The following CACNA2D3 variants were observed in gnomAD, a reference collection of about 807,000 sequenced individuals.
CACNA2D3 encodes calcium voltage-gated channel auxiliary subunit alpha2delta 3, also known as voltage-dependent calcium channel subunit alpha-2/delta-3.
In CACNA2D3, 60 loss-of-function variants were observed where a neutral mutation model predicts 160.6. That is an observed-to-expected ratio of 0.37 (90% CI 0.30 to 0.46). The LOEUF is 0.46. Among genes scored for constraint, CACNA2D3 ranks in the 20% least tolerant of loss-of-function variants. The pLI is 1.00. For missense variants in CACNA2D3, 1,205 were observed against 1,365.0 expected, an observed-to-expected ratio of 0.88 and a Z score of 1.85; for synonymous variants, 558 against 492.9, an observed-to-expected ratio of 1.13 and a Z score of -1.75.
chr3:54,955,588 T>C (rs995075849), intron 27 of CACNA2D3, among the ~76,000 whole-genome samples: 5 of 152,102 alleles, frequency 3.3e-5, no homozygotes, highest in African/African-American at 1.2e-4. Flanking sequence ...GCTTCTAAGG[T>C]CTATCAGCAT....
chr3:54,462,957 T>G (rs1365383557), intron 4 of CACNA2D3, among the ~76,000 whole-genome samples: 1 of 150,822 alleles, frequency 6.6e-6, no homozygotes, highest in Non-Finnish European at 1.5e-5. Flanking sequence ...AGGAGCTCTT[T>G]TAGGGCAGGC....
At chr3:54,344,280 CTTCTGACTTGA>C (rs1280313531) in intron 3 of CACNA2D3, among the ~76,000 whole-genome samples, 1 of 152,152 alleles carries the variant, frequency 6.6e-6, no homozygotes, top group Admixed American at 6.5e-5. Flanking sequence ...GGTGTCTGGA[CTTCTGACTTGA>C]TTATGAGTTC....
chr3:54,961,799 C>T (rs556518963), intron 27 of CACNA2D3, among the ~76,000 whole-genome samples: 1 of 152,286 alleles, frequency 6.6e-6, no homozygotes, highest in African/African-American at 2.4e-5. Flanking sequence ...AGGACATCTT[C>T]TGTTTTCTTT....
chr3:54,608,776 G>T (rs924266660), intron 9 of CACNA2D3, among the ~76,000 whole-genome samples: 2 of 152,180 alleles, frequency 1.3e-5, no homozygotes, highest in Admixed American at 6.5e-5. Flanking sequence ...TGTTTTAAAA[G>T]AATGCACAAT....
At chr3:54,149,924 T>TCTCCCTCC (rs1559863323) in intron 2 of CACNA2D3, among the ~76,000 whole-genome samples, 2 of 48,710 alleles carry the variant, frequency 4.1e-5, no homozygotes, top group Admixed American at 1.9e-4. Context: ...TCTCTCTCTC[T>TCTCCCTCC]CTCTCTCCCT....
intron 13 of CACNA2D3, among the ~76,000 whole-genome samples, chr3:54,797,081 G>A (rs1363307017): frequency 6.6e-6 from 1 of 152,176 alleles, no homozygotes; most frequent in Non-Finnish European, 1.5e-5. Flanking sequence ...AAGATGGACT[G>A]TTGTCATCAG....
chr3:54,143,870 T>C (rs1430953752), intron 2 of CACNA2D3, among the ~76,000 whole-genome samples: 1 of 152,236 alleles, frequency 6.6e-6, no homozygotes. Context: ...TTTGTGTATA[T>C]GTATATGTAC....
At chr3:54,840,586 C>G (rs1392855909) in intron 16 of CACNA2D3, among the ~76,000 whole-genome samples, 1 of 148,608 alleles carries the variant, frequency 6.7e-6, no homozygotes, top group Non-Finnish European at 1.5e-5. Flanking sequence ...AATTTTTGTC[C>G]TTTTAGTAGA....
chr3:54,796,806 G>A (rs1377489563), intron 13 of CACNA2D3, among the ~76,000 whole-genome samples: 1 of 152,110 alleles, frequency 6.6e-6, no homozygotes, highest in Admixed American at 6.5e-5. Context: ...TTATTTAATA[G>A]CTTATTACGT....
intron 5 of CACNA2D3, among the ~76,000 whole-genome samples, chr3:54,561,750 G>A (rs1702328567): frequency 6.6e-6 from 1 of 152,166 alleles, no homozygotes; most frequent in African/African-American, 2.4e-5. Flanking sequence ...CCTGGTATCT[G>A]GAGAACAACC....
rs184888312 is a variant in CACNA2D3, at chr3:54,463,238, C to T, written c.382-40254C>T. Among the ~76,000 whole-genome samples, 317 of 152,156 alleles carry T rather than the reference C, an allele frequency of 2.1e-3. 4 individuals carry two copies. Among genetic ancestry groups the T allele is most frequent in the African/African-American group, 7.3e-3 (303 of 41,508 alleles). On this transcript the variant is annotated intron_variant, in intron 4 of 37. Transcript: ENST00000474759. ...TTCCTTCATTTCAACTTTGGTGAGTCTGACAATTACGTGTCTTGGAGTTGC... is the reference window on the plus strand; with the variant it reads ...TTCCTTCATTTCAACTTTGGTGAGTTTGACAATTACGTGTCTTGGAGTTGC...
intron 9 of CACNA2D3, among the ~76,000 whole-genome samples, chr3:54,601,788 G>A (rs1703064836): frequency 6.6e-6 from 1 of 151,842 alleles, no homozygotes; most frequent in African/African-American, 2.4e-5. Flanking sequence ...TTAAATGTTT[G>A]ACTCATTTTT....
chr3:54,302,001 A>G (rs569814712), intron 2 of CACNA2D3, among the ~76,000 whole-genome samples: 2 of 152,352 alleles, frequency 1.3e-5, no homozygotes, highest in South Asian at 2.1e-4. Context: ...CTGTCAAACA[A>G]TTATACAGGA....
chr3:54,431,794 A>G (rs919714234), intron 4 of CACNA2D3, among the ~76,000 whole-genome samples: 1 of 151,934 alleles, frequency 6.6e-6, no homozygotes, highest in African/African-American at 2.4e-5. Flanking sequence ...TTTAGTAGAG[A>G]CGGGGTTTCA....
rs1699501752 is a variant in CACNA2D3 at position 54,403,130 on chromosome 3, A to G, written c.381+16356A>G. Among the ~76,000 whole-genome samples the G allele has an allele frequency of 2.0e-5, 3 of 152,148 alleles. No individual in the cohort carries two copies. The South Asian group carries it at 6.2e-4, about 32-fold the overall frequency. ...AATCCCAGCACTTTGGGAGATGGAG[A>G]TGGACAGATCACTTGAAGAGTTCGA... On this transcript the variant is annotated intron_variant, in intron 4 of 37. Transcript: ENST00000474759.
At chr3:54,723,515 G>A (rs746794188) in intron 11 of CACNA2D3, among the ~76,000 whole-genome samples, 54 of 152,234 alleles carry the variant, frequency 3.5e-4, no homozygotes, top group Non-Finnish European at 7.3e-5. Context: ...CCAGGGCCCT[G>A]GTGGGGTAGG....
At chr3:54,458,818 A>C (rs554471068) in intron 4 of CACNA2D3, among the ~76,000 whole-genome samples, 35 of 151,806 alleles carry the variant, frequency 2.3e-4, no homozygotes, top group African/African-American at 7.3e-4. Flanking sequence ...CATGTGCACA[A>C]TGTGCAGGTT....
intron 3 of CACNA2D3, among the ~76,000 whole-genome samples, chr3:54,331,344 G>A (rs183453646): frequency 2.0e-5 from 3 of 152,150 alleles, no homozygotes; most frequent in East Asian, 1.9e-4. Flanking sequence ...CTCCGTAGTC[G>A]TTTATTTGCT....
At chr3:54,861,834 T>G (rs958706424) in intron 17 of CACNA2D3, among the ~76,000 whole-genome samples, 1 of 152,230 alleles carries the variant, frequency 6.6e-6, no homozygotes, top group East Asian at 1.9e-4. Flanking sequence ...CTGCCTGTGT[T>G]TCCATGGTCA....
Sources: gnomAD v4.1 joint callset for allele counts (sites outside exome capture counted in the v4.1 genomes callset) on GRCh38, gnomAD v4.1.1 for gene constraint, MANE v1.5 for transcripts, NCBI Gene and HGNC (gene_info 2026-07-23, HGNC 2026-07-21) for gene names.